The following ATP9A variants were observed in gnomAD, a reference collection of about 807,000 sequenced individuals.
ATP9A encodes the protein ATPase phospholipid transporting 9A.
A neutral mutation model predicts 144.1 loss-of-function variants in ATP9A; 52 were observed. That is an observed-to-expected ratio of 0.36 (90% CI 0.29 to 0.45). The LOEUF (loss-of-function observed/expected upper bound fraction) is 0.45. Ranked by LOEUF, ATP9A falls within the 20% of genes least tolerant of loss-of-function variation. The pLI is 1.00. For missense variants in ATP9A, 947 were observed against 1,392.7 expected, an observed-to-expected ratio of 0.68 and a Z score of 5.09; for synonymous variants, 582 against 557.4, an observed-to-expected ratio of 1.04 and a Z score of -0.62.
chr20:51,614,276 T>C (rs2077194882), intron 22 of ATP9A, among the ~76,000 whole-genome samples: 1 of 152,150 alleles, frequency 6.6e-6, no homozygotes, highest in Non-Finnish European at 1.5e-5. Context: ...AACCATATAA[T>C]GGAATTCTCT....
At chr20:51,650,274 G>A (rs1313753210) in intron 14 of ATP9A, among the ~76,000 whole-genome samples, 2 of 152,156 alleles carry the variant, frequency 1.3e-5, no homozygotes, top group Non-Finnish European at 2.9e-5. Context: ...GGTGGCTCAC[G>A]CCTGTACTCT....
At chr20:51,754,459 C>T (rs752239958) in intron 1 of ATP9A, among the ~76,000 whole-genome samples, 2 of 151,512 alleles carry the variant, frequency 1.3e-5, no homozygotes, top group African/African-American at 2.4e-5. Context: ...GCTGAGATTG[C>T]GCCATTGCAC....
chr20:51,766,763 C>A (rs2077905804), intron 1 of ATP9A, among the ~76,000 whole-genome samples: 1 of 152,026 alleles, frequency 6.6e-6, no homozygotes, highest in Non-Finnish European at 1.5e-5. Context: ...TTGCTTGAAC[C>A]CGGGAGGCGG....
In ATP9A at chr20:51,597,558, T is replaced by C. The variant is rs2077124492; in HGVS notation, c.*3653A>G. 1 of 152,072 alleles carries C rather than the reference T, an allele frequency of 6.6e-6. No individual in the cohort carries two copies. Among genetic ancestry groups the C allele is most frequent in the South Asian group, 2.1e-4 (1 of 4,818 alleles). 9.4% of individuals were successfully genotyped at this position (152,072 alleles called of 1,614,324 possible). A position where few individuals can be genotyped will look rare whatever the true frequency, so the allele number is the denominator to read the frequency against. On this transcript the variant is annotated 3_prime_UTR_variant, in exon 28 of 28. Coordinates refer to ENST00000338821, the MANE Select transcript of ATP9A (RefSeq NM_006045.3). ...CACACACACACACCCCCCACACACT[T>C]CAAACATACAGAAAAGGTTAAAGAT... is the stretch of plus-strand genomic sequence containing the variant.
intron 4 of ATP9A, among the ~76,000 whole-genome samples, chr20:51,701,268 T>C (rs775337304): frequency 1.6e-4 from 24 of 152,198 alleles, no homozygotes; most frequent in African/African-American, 5.8e-4. Context: ...GTGTGTACAT[T>C]AGCAGGACAG....
chr20:51,613,977 G>A lies in ATP9A; in HGVS notation c.2416-145C>T, dbSNP rs2077193786. 9.1e-6 allele frequency: 7 copies of A among 765,572 alleles called. No individual in the cohort carries two copies. In the South Asian group the frequency reaches 1.5e-4, roughly 17 times the overall value. 47.4% of individuals were successfully genotyped at this position (765,572 alleles called of 1,614,324 possible). On this transcript the variant is annotated intron_variant, in intron 22 of 27. Transcript: ENST00000338821. ...CTTTGGTTTCAAGCTATATGCAGTT[G>A]GTGGTCCAAGTCTAAATTTGATTTT... is the stretch of plus-strand genomic sequence containing the variant.
At chr20:51,753,830 C>A (rs1369063142) in intron 1 of ATP9A, among the ~76,000 whole-genome samples, 1 of 151,140 alleles carries the variant, frequency 6.6e-6, no homozygotes, top group Non-Finnish European at 1.5e-5. Flanking sequence ...CCATGCCCAG[C>A]TAATTTTGGT....
intron 14 of ATP9A, among the ~76,000 whole-genome samples, chr20:51,647,348 A>G (rs2077346132): frequency 6.6e-6 from 1 of 152,138 alleles, no homozygotes; most frequent in South Asian, 2.1e-4. Context: ...AAGGAGTTCA[A>G]GACCAGCCTA....
intron 3 of ATP9A, among the ~76,000 whole-genome samples, chr20:51,722,844 C>T (rs892857819): frequency 1.3e-4 from 20 of 152,146 alleles, no homozygotes; most frequent in African/African-American, 4.8e-4. Flanking sequence ...CTGGGTTCTA[C>T]CCTGAGGAAA....
intron 3 of ATP9A, among the ~76,000 whole-genome samples, chr20:51,714,185 C>CT (rs1170122408): frequency 1.4e-5 from 2 of 148,122 alleles, no homozygotes; most frequent in African/African-American, 2.5e-5. Flanking sequence ...GATTACAGGG[C>CT]TTTTTTGTTT....
At chr20:51,642,764 A>AAAAAAAC (rs2077326137) in intron 14 of ATP9A, among the ~76,000 whole-genome samples, 1 of 138,364 alleles carries the variant, frequency 7.2e-6, no homozygotes, top group African/African-American at 2.7e-5. Context: ...AAAAAAAAAA[A>AAAAAAAC]CCTGGCGTTC....
intron 23 of ATP9A, among the ~76,000 whole-genome samples, chr20:51,612,626 C>T (rs903415249): frequency 1.3e-5 from 2 of 152,202 alleles, no homozygotes; most frequent in Admixed American, 6.5e-5. Flanking sequence ...GATTTCACCA[C>T]GTTCACCAGA....
At chr20:51,767,441 C>T (rs2077910040) in intron 1 of ATP9A, among the ~76,000 whole-genome samples, 1 of 141,968 alleles carries the variant, frequency 7.0e-6, no homozygotes, top group Non-Finnish European at 1.5e-5. Context: ...AAGTCTATGG[C>T]AGGCGATACG....
At chr20:51,745,976 C>T (rs1055319349) in intron 1 of ATP9A, among the ~76,000 whole-genome samples, 3 of 152,176 alleles carry the variant, frequency 2.0e-5, no homozygotes, top group Non-Finnish European at 2.9e-5. Context: ...AGTACATATG[C>T]ACATGGAATA....
rs55719132 is a variant in ATP9A, at chr20:51,726,889, C to CTTTTTTTT, written c.214-965_214-958dup. The stretch of plus-strand genomic sequence containing the variant: ...CCACTGCGTCCAGACTGTGTTATTT[C>CTTTTTTTT]TTTTTTTTTTTTTTTTTTTTTTTTT... On this transcript the variant is annotated intron_variant, in intron 2 of 27. Transcript: ENST00000338821. 2.0e-4 allele frequency among the ~76,000 whole-genome samples: 19 copies of CTTTTTTTT among 93,988 alleles called. 1 individual carries two copies. Among genetic ancestry groups the CTTTTTTTT allele is most frequent in the Admixed American group, 2.8e-4 (2 of 7,218 alleles). 61.7% of individuals were successfully genotyped at this position (93,988 alleles called of 152,430 possible). A position where few individuals can be genotyped will look rare whatever the true frequency, so the allele number is the denominator to read the frequency against.
intron 21 of ATP9A, 74 bp from the exon 22 acceptor site, chr20:51,617,628 C>T (rs1217502716): frequency 1.4e-5 from 22 of 1,526,906 alleles, no homozygotes; most frequent in East Asian, 2.4e-5. Context: ...TTGTCTTTAC[C>T]GCACTCTCGT....
chr20:51,689,399 A>G (rs903412325), intron 8 of ATP9A, among the ~76,000 whole-genome samples: 1 of 152,176 alleles, frequency 6.6e-6, no homozygotes, highest in East Asian at 1.9e-4. Context: ...GCACTGAAAA[A>G]TGTTTTATGA....
chr20:51,605,045 C>A (rs201565710), intron 26 of ATP9A, 25 bp from the exon 27 acceptor site: 1 of 1,562,126 alleles, frequency 6.4e-7, no homozygotes, highest in Non-Finnish European at 8.7e-7. Flanking sequence ...GAAGGGTATT[C>A]CCCTCACCCT....
chr20:51,712,525 T>C (rs1271486769), intron 4 of ATP9A, among the ~76,000 whole-genome samples: 1 of 152,228 alleles, frequency 6.6e-6, no homozygotes, highest in African/African-American at 2.4e-5. Context: ...ATGCAGTTAT[T>C]TATCTAAATC....
Sources: allele counts gnomAD v4.1 joint callset (sites outside exome capture counted in the v4.1 genomes callset), GRCh38; gene constraint gnomAD v4.1.1; transcripts MANE v1.5; gene names NCBI Gene and HGNC (gene_info 2026-07-23, HGNC 2026-07-21).